Variants in GRK5 observed in about 807,000 individuals in gnomAD.
The protein encoded by GRK5 is G protein-coupled receptor kinase 5.
Under a neutral mutation model 78.4 loss-of-function variants are expected in GRK5, and 40 were observed. The observed-to-expected ratio is 0.51, with a 90% CI of 0.40 to 0.66. The LOEUF is 0.66. Among genes scored for constraint, GRK5 ranks in the 30% least tolerant of loss-of-function variants. The pLI is 0.00. For missense variants in GRK5, 598 were observed against 759.9 expected, an observed-to-expected ratio of 0.79 and a Z score of 2.50; for synonymous variants, 289 against 296.8, an observed-to-expected ratio of 0.97 and a Z score of 0.27.
rs1853412340 is a variant in GRK5 at position 119,457,161 on chromosome 10, AAAG to A, written c.*2098_*2100del. ...CTTGCTGAACTTCCTTTTTCAATGA[AAAG>A]AAGGACCATCATCCTAGGATGGTCA... is the stretch of plus-strand genomic sequence containing the variant. On this transcript the variant is annotated 3_prime_UTR_variant, in exon 16 of 16. Coordinates refer to ENST00000392870, the MANE Select transcript of GRK5 (RefSeq NM_005308.3). 6.6e-6 allele frequency: 1 copy of A among 152,084 alleles called. No individual in the cohort carries two copies. The highest frequency in any genetic ancestry group is 1.5e-5 in the Non-Finnish European group (1 of 68,002). The allele number at this position is 152,084 out of a possible 1,614,324, so 9.4% of individuals were successfully genotyped here. A position where few individuals can be genotyped will look rare whatever the true frequency, so the allele number is the denominator to read the frequency against.
chr10:119,364,410 T>G lies in GRK5; in HGVS notation c.149-16405T>G, dbSNP rs576178634. Among the ~76,000 whole-genome samples the G allele has an allele frequency of 5.9e-5, 9 of 152,298 alleles. No homozygotes were observed. In the East Asian group the frequency reaches 1.5e-3, roughly 26 times the overall value. Reference sequence around the variant, plus strand: ...TGAGCTTTGCTTCCAGAATGGAAATTTTTTAAGAAGCCACCTTTGGGAGGA... The same window carrying G: ...TGAGCTTTGCTTCCAGAATGGAAATGTTTTAAGAAGCCACCTTTGGGAGGA... On this transcript the variant is annotated intron_variant, in intron 2 of 15. Transcript: ENST00000392870.
chr10:119,327,696 C>G (rs912242749), intron 2 of GRK5, among the ~76,000 whole-genome samples: 6 of 152,194 alleles, frequency 3.9e-5, no homozygotes, highest in African/African-American at 1.4e-4. Context: ...CCTGCCACCC[C>G]CAGGCTTGCT....
In GRK5 at chr10:119,264,453, C is replaced by T. The variant is rs981684866; in HGVS notation, c.52+56484C>T. On this transcript the variant is annotated intron_variant, in intron 1 of 15. Coordinates refer to ENST00000392870, the MANE Select transcript of GRK5 (RefSeq NM_005308.3). This position sits in a 1 kb window ranked among gnomAD's most constrained non-coding sequence, Gnocchi z 4.1. ...GGCTCTGCTGCTTTCTGAGTGTTGG[C>T]CTCTCTCTCCTACTACCGCTCATCC... 1.3e-5 allele frequency among the ~76,000 whole-genome samples: 2 copies of T among 152,064 alleles called. No homozygotes were observed. Among genetic ancestry groups the T allele is most frequent in the Admixed American group, 6.6e-5 (1 of 15,264 alleles).
At chr10:119,224,733 T>G (rs1027345012) in intron 1 of GRK5, among the ~76,000 whole-genome samples, 1 of 152,146 alleles carries the variant, frequency 6.6e-6, no homozygotes, top group African/African-American at 2.4e-5. Context: ...ACTTTTTAAT[T>G]TTCGAGGTAA....
In GRK5 at chr10:119,416,421, C is replaced by T. The variant is rs74430760; in HGVS notation, c.340-6745C>T. Among the ~76,000 whole-genome samples, 930 of 152,346 alleles carry T rather than the reference C, an allele frequency of 6.1e-3. 6 individuals carry two copies. The highest frequency in any genetic ancestry group is 0.02 in the African/African-American group (831 of 41,580). On this transcript the variant is annotated intron_variant, in intron 4 of 15. Coordinates refer to ENST00000392870, the MANE Select transcript of GRK5 (RefSeq NM_005308.3). The stretch of plus-strand genomic sequence containing the variant: ...CCTGCCAGCCGTTCCTGCTTATTTC[C>T]CATGATCTTCACTAGTCCCTCTGAC...
At chr10:119,225,677 T>C (rs1409626430) in intron 1 of GRK5, among the ~76,000 whole-genome samples, 1 of 150,462 alleles carries the variant, frequency 6.6e-6, no homozygotes, top group Non-Finnish European at 1.5e-5. Context: ...TCTCTTTTTT[T>C]TTTTTTTTTT....
chr10:119,296,893 G>A (rs1486643390), intron 1 of GRK5, among the ~76,000 whole-genome samples: 1 of 152,250 alleles, frequency 6.6e-6, no homozygotes, highest in East Asian at 1.9e-4. Flanking sequence ...CACCCCCAGT[G>A]CTCTTGTGCA....
intron 12 of GRK5, 137 bp downstream of exon 12, chr10:119,443,889 A>T: frequency 1.4e-6 from 1 of 739,310 alleles, no homozygotes; most frequent in Non-Finnish European, 2.2e-6. Context: ...GCAGCCCACC[A>T]AGCTAGAGTT....
chr10:119,449,552 G>A, intron 13 of GRK5, among the ~76,000 whole-genome samples: 1 of 152,156 alleles, frequency 6.6e-6, no homozygotes, highest in East Asian at 1.9e-4. Context: ...TATAATCCCA[G>A]CACTTGGGAA....
chr10:119,422,983 C>T (rs1387365981), intron 4 of GRK5, among the ~76,000 whole-genome samples, 183 bp from the exon 5 acceptor site: 1 of 152,244 alleles, frequency 6.6e-6, no homozygotes, highest in Admixed American at 6.5e-5. Flanking sequence ...CACCAGTGTC[C>T]AGGTAGCCCT....
At chr10:119,301,108 GAAA>G (rs547790250) in intron 1 of GRK5, among the ~76,000 whole-genome samples, 2 of 141,480 alleles carry the variant, frequency 1.4e-5, no homozygotes, top group Non-Finnish European at 3.1e-5. Flanking sequence ...AGTCCCAAAA[GAAA>G]AAAAAAAAAG....
chr10:119,311,373 G>A (rs545972545), intron 1 of GRK5, among the ~76,000 whole-genome samples: 2 of 152,200 alleles, frequency 1.3e-5, no homozygotes, highest in East Asian at 3.9e-4. Flanking sequence ...AACTCAGAAG[G>A]CCACGCAGAA....
In GRK5 at chr10:119,443,583, C is replaced by A. The variant is rs757839310; in HGVS notation, c.1097C>A (p.Pro366His). 1 of 1,612,910 alleles carries A rather than the reference C, an allele frequency of 6.2e-7. No individual in the cohort carries two copies. Residue 366 changes from proline (P) to histidine (H), a missense_variant, in exon 12 of 16, where the codon CCC becomes CAC. Pro to His is a moderately conservative substitution (Grantham distance 77). Coordinates refer to ENST00000392870, the MANE Select transcript of GRK5 (RefSeq NM_005308.3). ...AACAACCAGAGGTACGGCCTGAGCC[C>A]CGACTACTGGGGCCTTGGCTGCCTC... ...VLNNQRYGLS[P>H]DYWGLGCLIY...
At chr10:119,319,571 G>C (rs1850549399) in intron 1 of GRK5, among the ~76,000 whole-genome samples, 1 of 152,270 alleles carries the variant, frequency 6.6e-6, no homozygotes, top group South Asian at 2.1e-4. Context: ...CATGGAATGA[G>C]CTGGATGAGG....
At chr10:119,289,528 C>T (rs1346416955) in intron 1 of GRK5, among the ~76,000 whole-genome samples, 1 of 152,188 alleles carries the variant, frequency 6.6e-6, no homozygotes. Flanking sequence ...CACAGATCCT[C>T]ACTTCCAGCT....
At chr10:119,367,240 AAG>A (rs1851464463) in intron 2 of GRK5, among the ~76,000 whole-genome samples, 4 of 152,204 alleles carry the variant, frequency 2.6e-5, no homozygotes, top group Admixed American at 2.0e-4. Flanking sequence ...GAATTCTGCT[AAG>A]CTCTAGCCTT....
intron 1 of GRK5, among the ~76,000 whole-genome samples, chr10:119,284,433 C>T (rs998584357): frequency 2.6e-5 from 4 of 152,144 alleles, no homozygotes; most frequent in East Asian, 1.9e-4. Flanking sequence ...CCACTGAGCC[C>T]GGCTATTTAA....
intron 1 of GRK5, among the ~76,000 whole-genome samples, chr10:119,235,256 A>G (rs1848905386): frequency 6.6e-6 from 1 of 151,918 alleles, no homozygotes; most frequent in Admixed American, 6.6e-5. Context: ...TCATGTGTAG[A>G]TTTATACTAG....
intron 1 of GRK5, among the ~76,000 whole-genome samples, chr10:119,266,540 T>C (rs952238754): frequency 2.6e-5 from 4 of 152,166 alleles, no homozygotes; most frequent in Non-Finnish European, 5.9e-5. Context: ...AATGGGCTTT[T>C]CCTTCCCTTC....
Sources: allele counts gnomAD v4.1 joint callset (sites outside exome capture counted in the v4.1 genomes callset), GRCh38; gene constraint gnomAD v4.1.1; non-coding constraint Gnocchi (gnomAD v3.1); transcripts MANE v1.5; gene names NCBI Gene and HGNC (gene_info 2026-07-23, HGNC 2026-07-21).